The following CENPP variants were observed in gnomAD, a reference collection of about 807,000 sequenced individuals.
CENPP encodes centromere protein P.
Under a neutral mutation model 35.6 loss-of-function variants are expected in CENPP, and 24 were observed. The ratio of observed to expected loss-of-function variants is 0.67; its 90% CI spans 0.49 to 0.95. The LOEUF (loss-of-function observed/expected upper bound fraction) is 0.95, where lower values mean the gene tolerates loss of function less well. Ranked by LOEUF, CENPP falls within the 40% of genes least tolerant of loss-of-function variation. The pLI, the probability that CENPP is intolerant of heterozygous loss-of-function variation, is 0.00. For synonymous variants in CENPP, 120 were observed against 125.5 expected (o/e 0.96, Z 0.29); for missense variants, 332 against 345.3 (o/e 0.96, Z 0.31).
intron 5 of CENPP, chr9:92,403,424 G>A (rs754259409): frequency 6.3e-7 from 1 of 1,588,556 alleles, no homozygotes; most frequent in South Asian, 1.2e-5. Flanking sequence ...AAAAATCAAG[G>A]TGACTGGAAG....
intron 5 of CENPP, among the ~76,000 whole-genome samples, chr9:92,506,379 A>G (rs975060657): frequency 6.6e-6 from 1 of 151,798 alleles, no homozygotes; most frequent in African/African-American, 2.4e-5. Flanking sequence ...GCCTTTATAC[A>G]AACAAATTTT....
At chr9:92,478,865 A>C (rs1845809022) in intron 5 of CENPP, among the ~76,000 whole-genome samples, 1 of 152,192 alleles carries the variant, frequency 6.6e-6, no homozygotes, top group African/African-American at 2.4e-5. Flanking sequence ...GTAGAAACAA[A>C]AAAACTATGG....
At chr9:92,421,850 G>T (rs1843806983) in intron 5 of CENPP, among the ~76,000 whole-genome samples, 1 of 152,082 alleles carries the variant, frequency 6.6e-6, no homozygotes, top group East Asian at 1.9e-4. Context: ...ATCCTTTATA[G>T]CAGAGATAGG....
chr9:92,565,075 G>A (rs1036136428), intron 5 of CENPP, among the ~76,000 whole-genome samples: 18 of 152,028 alleles, frequency 1.2e-4, no homozygotes, highest in African/African-American at 4.1e-4. Context: ...TGGGGAGATG[G>A]CAGAGTAGGC....
At chr9:92,542,565 A>G (rs2131311074) in intron 5 of CENPP, among the ~76,000 whole-genome samples, 1 of 150,900 alleles carries the variant, frequency 6.6e-6, no homozygotes, top group Non-Finnish European at 1.5e-5. Flanking sequence ...GCTCCAGGCT[A>G]TAGTGCAGTG....
At chr9:92,385,085 G>A (rs2130877373) in intron 5 of CENPP, 1 of 152,710 alleles carries the variant, frequency 6.5e-6, no homozygotes, top group African/African-American at 2.4e-5. Flanking sequence ...CTCAGACTAA[G>A]TGAAAAATTT....
chr9:92,482,056 G>GA (rs961859046), intron 5 of CENPP, among the ~76,000 whole-genome samples: 16 of 149,172 alleles, frequency 1.1e-4, no homozygotes, highest in African/African-American at 3.9e-4. Context: ...TCACTTAGCT[G>GA]AAAAAAAAAG....
chr9:92,575,453 A>G (rs1022052398), intron 5 of CENPP, among the ~76,000 whole-genome samples: 1 of 152,238 alleles, frequency 6.6e-6, no homozygotes, highest in African/African-American at 2.4e-5. Flanking sequence ...GAGATGCTCA[A>G]CATCACTAAT....
At chr9:92,420,979 G>C (rs940130480) in intron 5 of CENPP, among the ~76,000 whole-genome samples, 19 of 152,220 alleles carry the variant, frequency 1.2e-4, no homozygotes, top group African/African-American at 4.6e-4. Context: ...TGATGTGTTT[G>C]GGAAATGTGG....
rs756640697 is a variant in CENPP, at chr9:92,459,666, A to ATT, written c.564+79814_564+79815dup. The ATT allele has an allele frequency of 1.9e-6, 3 of 1,612,744 alleles. No individual in the cohort carries two copies. The East Asian group carries it at 6.7e-5, about 36-fold the overall frequency. ...TTTCAACTCTGGTAATCCTGAAGGG[A>ATT]TTTTTTTTAGTTTATTGTTTTCCAA... On this transcript the variant is annotated intron_variant, in intron 5 of 7. Transcript: ENST00000375587.
intron 4 of CENPP, among the ~76,000 whole-genome samples, chr9:92,366,468 G>C (rs1311066386): frequency 6.6e-6 from 1 of 152,046 alleles, no homozygotes. Context: ...TTTATTGTTT[G>C]GTATTACTTG....
intron 4 of CENPP, among the ~76,000 whole-genome samples, chr9:92,374,738 T>A (rs552506336): frequency 6.6e-5 from 10 of 152,382 alleles, no homozygotes; most frequent in Admixed American, 3.3e-4. Context: ...GAGGGCTTAT[T>A]AATAAAAATA....
chr9:92,332,296 A>G lies in CENPP; in HGVS notation c.234A>G (p.Ile78Met), dbSNP rs972245148. 6.2e-7 allele frequency: 1 copy of G among 1,611,386 alleles called. No individual in the cohort carries two copies. Among genetic ancestry groups the G allele is most frequent in the African/African-American group, 1.3e-5 (1 of 74,786 alleles). Residue 78 changes from isoleucine to methionine, a missense_variant, in exon 2 of 8, where the codon ATA becomes ATG. Ile to Met is a conservative substitution (Grantham distance 10, BLOSUM62 1). Transcript: ENST00000375587. ...TAAGTACGCTTACTGGCATCAATAT[A>G]AGAAATCACTCCAAGCAGACAGAAG... ...SFLSTLTGIN[I>M]RNHSKQTEDL...
chr9:92,532,044 T>TTTTTTTTTTTTTTTTTTG (rs1848828968), intron 5 of CENPP, among the ~76,000 whole-genome samples: 1 of 145,434 alleles, frequency 6.9e-6, no homozygotes. Flanking sequence ...ATTTTTTTTT[T>TTTTTTTTTTTTTTTTTTG]GAGATGAGGT....
At chr9:92,415,464 T>G (rs1241833277) in intron 5 of CENPP, 1 of 1,584,772 alleles carries the variant, frequency 6.3e-7, no homozygotes, top group African/African-American at 1.4e-5. Flanking sequence ...GACACATCAC[T>G]GTAAGATTCA....
chr9:92,599,015 A>G (rs1252551218), intron 5 of CENPP, among the ~76,000 whole-genome samples: 1 of 151,872 alleles, frequency 6.6e-6, no homozygotes, highest in Non-Finnish European at 1.5e-5. Flanking sequence ...CAGGAGAATC[A>G]CTGGAACCCC....
intron 4 of CENPP, among the ~76,000 whole-genome samples, chr9:92,371,572 ATG>A (rs1006171732): frequency 2.0e-5 from 3 of 152,156 alleles, no homozygotes; most frequent in African/African-American, 7.2e-5. Context: ...GATGAAAAGA[ATG>A]TACATTCTGC....
intron 5 of CENPP, among the ~76,000 whole-genome samples, chr9:92,432,870 T>C (rs987313129): frequency 1.3e-5 from 2 of 152,122 alleles, no homozygotes; most frequent in East Asian, 1.9e-4. Context: ...GAGGTGCATA[T>C]AGAAGTAGAC....
At chr9:92,546,691 A>G (rs1247654632) in intron 5 of CENPP, among the ~76,000 whole-genome samples, 2 of 152,216 alleles carry the variant, frequency 1.3e-5, no homozygotes, top group African/African-American at 2.4e-5. Context: ...CCGCGGCTTC[A>G]TTCTTGAAGT....
Sources: gnomAD v4.1 joint callset for allele counts (sites outside exome capture counted in the v4.1 genomes callset) on GRCh38, gnomAD v4.1.1 for gene constraint, MANE v1.5 for transcripts, NCBI Gene and HGNC (gene_info 2026-07-23, HGNC 2026-07-21) for gene names.